The following HAUS6 variants were observed in gnomAD, a reference collection of about 807,000 sequenced individuals.
The protein encoded by HAUS6 is HAUS augmin like complex subunit 6.
HAUS6 carries 80 observed loss-of-function variants against 106.8 expected under a neutral mutation model. The observed-to-expected ratio is 0.75, with a 90% CI of 0.63 to 0.90. The LOEUF is 0.90. HAUS6 is among the 40% of genes least tolerant of loss of function. HAUS6 has a pLI of 0.00. For missense variants in HAUS6, 1,155 were observed against 1,118.1 expected, an observed-to-expected ratio of 1.03 and a Z score of -0.47; for synonymous variants, 356 against 379.1, an observed-to-expected ratio of 0.94 and a Z score of 0.71.
intron 14 of HAUS6, among the ~76,000 whole-genome samples, chr9:19,061,671 C>G (rs2131100760): frequency 6.6e-6 from 1 of 152,170 alleles, no homozygotes; most frequent in Middle Eastern, 3.4e-3. Context: ...CCCAACTCTA[C>G]AAAAAATAAA....
intron 4 of HAUS6, among the ~76,000 whole-genome samples, chr9:19,092,372 T>C (rs1263515599): frequency 4.0e-5 from 6 of 151,342 alleles, no homozygotes; most frequent in South Asian, 4.2e-4. Flanking sequence ...TCCTAACACT[T>C]TGGGAGGCCG....
rs764737576 is a variant in HAUS6 at position 19,058,332 on chromosome 9, A to C, written c.2435T>G (p.Leu812Arg). The change falls in exon 16 of 17, where the codon CTT becomes CGT. Residue 812 changes from leucine to arginine, a missense_variant. Physicochemically the swap from Leu to Arg is moderately radical, Grantham distance 102 (BLOSUM62 -2). Around this residue, in one of 3 missense-constraint regions of HAUS6, gnomAD observed 380 missense variants for 394.8 expected, o/e 0.96. Coordinates refer to ENST00000380502, the MANE Select transcript of HAUS6 (RefSeq NM_017645.5). Reference protein sequence around the residue: ...EPNSPMHGGTLLEDVVGGRQT... With the variant: ...EPNSPMHGGTRLEDVVGGRQT... ...TCTCCCTCCCACAACATCTTCTAGA[A>C]GAGTGCCACCATGCATAGGACTATT... 2 of 1,613,894 alleles carry C rather than the reference A, an allele frequency of 1.2e-6. No homozygotes were observed. The highest frequency in any genetic ancestry group is 2.7e-5 in the African/African-American group (2 of 75,044).
At chr9:19,074,133 G>A (rs776470515) in intron 11 of HAUS6, among the ~76,000 whole-genome samples, 5 of 152,044 alleles carry the variant, frequency 3.3e-5, no homozygotes, top group Non-Finnish European at 5.9e-5. Context: ...TGTAATCCCA[G>A]CTACTGGGGA....
At chr9:19,063,977 T>TTA (rs1446046625) in intron 12 of HAUS6, among the ~76,000 whole-genome samples, 122 of 151,894 alleles carry the variant, frequency 8.0e-4, no homozygotes, top group African/African-American at 2.7e-3. Context: ...TTTATTTTTT[T>TTA]TTTTTTTGAG....
chr9:19,059,867 G>A (rs60269255), intron 15 of HAUS6, among the ~76,000 whole-genome samples: 1 of 151,936 alleles, frequency 6.6e-6, no homozygotes. Context: ...AGACAAAATT[G>A]TACATTATCA....
chr9:19,086,723 A>C lies in HAUS6; in HGVS notation c.699+11T>G. ...AAAAGATTAAATTTCTCCTTTTATA[A>C]GTTGTCTCACCTTTTGAATTTTTTC... On this transcript the variant is annotated intron_variant, in intron 7 of 16. Transcript: ENST00000380502. The C allele has an allele frequency of 8.4e-7, 1 of 1,188,222 alleles. No individual in the cohort carries two copies. Among genetic ancestry groups the C allele is most frequent in the Non-Finnish European group, 1.2e-6 (1 of 805,366 alleles). The allele number at this position is 1,188,222 out of a possible 1,614,324, so 73.6% of individuals were successfully genotyped here.
intron 4 of HAUS6, among the ~76,000 whole-genome samples, chr9:19,091,259 C>T (rs113637188): frequency 0.12 from 18,161 of 151,608 alleles, 1,760 homozygotes; most frequent in African/African-American, 0.27. Context: ...GAGATCGCGC[C>T]ACCGCACTCC....
At position 19,067,260 on chromosome 9, in the gene HAUS6, T is replaced by C. The variant is rs77571531; in HGVS notation, c.1376+2959A>G. 7.9e-3 allele frequency among the ~76,000 whole-genome samples: 1,199 copies of C among 152,320 alleles called. 14 individuals carry two copies. Among genetic ancestry groups the C allele is most frequent in the African/African-American group, 0.028 (1,150 of 41,568 alleles). ...TGAACTACATGCAAAAAAGGTATTA[T>C]CTTCTTTCATTAAGTACAGTCCACC... On this transcript the variant is annotated intron_variant, in intron 12 of 16. Coordinates refer to ENST00000380502, the MANE Select transcript of HAUS6 (RefSeq NM_017645.5).
At chr9:19,067,465 T>C (rs1836786326) in intron 12 of HAUS6, among the ~76,000 whole-genome samples, 1 of 152,188 alleles carries the variant, frequency 6.6e-6, no homozygotes, top group African/African-American at 2.4e-5. Flanking sequence ...CCACCAGGCC[T>C]TCCCCTACCT....
At chr9:19,072,655 T>C (rs1345674421) in intron 11 of HAUS6, among the ~76,000 whole-genome samples, 1 of 152,082 alleles carries the variant, frequency 6.6e-6, no homozygotes, top group Admixed American at 6.6e-5. Context: ...AACTAAACTA[T>C]CATTCAAAAA....
chr9:19,098,659 T>G (rs1817914787), intron 1 of HAUS6, among the ~76,000 whole-genome samples: 2 of 152,136 alleles, frequency 1.3e-5, no homozygotes, highest in Non-Finnish European at 2.9e-5. Flanking sequence ...CATATGATTT[T>G]TCCAAACTGC....
rs116558325 is a variant in HAUS6, at chr9:19,062,120, C to G, written c.1629+888G>C. ...GTGAAATGAGTTCTGTAATGCTGAG[C>G]AATGGTAGTATTGTGTGGTCACTTA... On this transcript the variant is annotated intron_variant, in intron 14 of 16. Transcript: ENST00000380502. Among the ~76,000 whole-genome samples, 472 of 152,240 alleles carry G rather than the reference C, an allele frequency of 3.1e-3. 5 individuals carry two copies. Among genetic ancestry groups the G allele is most frequent in the African/African-American group, 0.011 (444 of 41,538 alleles).
chr9:19,102,655 C>G lies in HAUS6; in HGVS notation c.-4G>C. On this transcript the variant is annotated 5_prime_UTR_variant, in exon 1 of 17. Coordinates refer to ENST00000380502, the MANE Select transcript of HAUS6 (RefSeq NM_017645.5). ...CGGTGACCGAGGCCGAGCTCATCCT[C>G]GCGGTAGGCACGGTGGCTGCAAAGA... 6.2e-7 allele frequency: 1 copy of G among 1,610,728 alleles called. No homozygotes were observed.
At chr9:19,096,617 G>T in intron 2 of HAUS6, 57 bp downstream of exon 2, 1 of 589,636 alleles carries the variant, frequency 1.7e-6, no homozygotes, top group Non-Finnish European at 2.9e-6. Flanking sequence ...GTATCAAAAC[G>T]CTGTCCATTT....
At position 19,053,901 on chromosome 9, in the gene HAUS6, T is replaced by C. The variant is rs570027966; in HGVS notation, c.*2442A>G. The C allele has an allele frequency of 1.2e-4, 18 of 152,142 alleles. No homozygotes were observed. Among genetic ancestry groups the C allele is most frequent in the African/African-American group, 4.3e-4 (18 of 41,546 alleles). 9.4% of individuals were successfully genotyped at this position (152,142 alleles called of 1,614,324 possible). On this transcript the variant is annotated 3_prime_UTR_variant, in exon 17 of 17. Transcript: ENST00000380502. The stretch of plus-strand genomic sequence containing the variant: ...ACATTTACATAGGTGTATATGTATT[T>C]ATGCATGTATGTGTATATTGCTATA...
intron 5 of HAUS6, among the ~76,000 whole-genome samples, chr9:19,087,522 T>C (rs1439828193): frequency 6.6e-6 from 1 of 152,186 alleles, no homozygotes; most frequent in Non-Finnish European, 1.5e-5. Context: ...TAACAAAGCA[T>C]TCTACAAAGT....
chr9:19,063,477 TG>T, intron 13 of HAUS6, 36 bp downstream of exon 13: 1 of 975,028 alleles, frequency 1.0e-6, no homozygotes, highest in Non-Finnish European at 1.6e-6. Flanking sequence ...TAATTTAGTA[TG>T]GTCCAGAATT....
At chr9:19,065,167 C>G (rs1420855567) in intron 12 of HAUS6, 3 of 152,212 alleles carry the variant, frequency 2.0e-5, no homozygotes, top group Non-Finnish European at 4.4e-5. Flanking sequence ...ACATTCTGTA[C>G]CCTCCCCTCT....
intron 14 of HAUS6, among the ~76,000 whole-genome samples, chr9:19,061,806 G>A (rs1056789927): frequency 5.9e-5 from 9 of 152,208 alleles, no homozygotes; most frequent in Non-Finnish European, 1.2e-4. Context: ...CTGCACTCCA[G>A]CTTGGGTGAC....
Sources: allele counts gnomAD v4.1 joint callset (sites outside exome capture counted in the v4.1 genomes callset), GRCh38; gene constraint gnomAD v4.1.1; regional missense constraint gnomAD v4.1.1; transcripts MANE v1.5; gene names NCBI Gene and HGNC (gene_info 2026-07-23, HGNC 2026-07-21).